Variants in SEPTIN9 observed in about 807,000 individuals in gnomAD.
SEPTIN9 encodes septin-9.
In SEPTIN9, 13 loss-of-function variants were observed where a neutral mutation model predicts 56.6. That is an observed-to-expected ratio of 0.23 (90% CI 0.15 to 0.37). The LOEUF (loss-of-function observed/expected upper bound fraction) is 0.37, where lower values mean the gene tolerates loss of function less well. SEPTIN9 is among the 10% of genes least tolerant of loss of function. The probability of loss-of-function intolerance (pLI) is 1.00; values close to 1 mark genes in which losing one functional copy is unlikely to be tolerated. For missense variants in SEPTIN9, 650 were observed against 823.1 expected (o/e 0.79, Z 2.57); for synonymous variants, 332 against 334.1 (o/e 0.99, Z 0.07).
intron 2 of SEPTIN9, among the ~76,000 whole-genome samples, chr17:77,331,895 A>G (rs548697587): frequency 6.6e-6 from 1 of 151,894 alleles, no homozygotes; most frequent in East Asian, 1.9e-4. Flanking sequence ...CATCTCTTTT[A>G]TTTTATTTTT....
chr17:77,322,018 G>T (rs1457883964), intron 2 of SEPTIN9, among the ~76,000 whole-genome samples: 1 of 152,188 alleles, frequency 6.6e-6, no homozygotes, highest in Non-Finnish European at 1.5e-5. Context: ...GACCACAGTG[G>T]GTCCCCTGCC....
chr17:77,489,749 C>T (rs542937965), intron 7 of SEPTIN9, among the ~76,000 whole-genome samples: 14 of 152,308 alleles, frequency 9.2e-5, no homozygotes, highest in African/African-American at 1.7e-4. Flanking sequence ...AAACCCAAGC[C>T]GGAGTTTTCG....
At chr17:77,412,942 C>T (rs1477066916) in intron 3 of SEPTIN9, among the ~76,000 whole-genome samples, 3 of 152,140 alleles carry the variant, frequency 2.0e-5, no homozygotes, top group East Asian at 3.8e-4. Flanking sequence ...ATTTCACCCA[C>T]GTTTTCTTCT....
chr17:77,287,401 G>A (rs1288484797), intron 1 of SEPTIN9, among the ~76,000 whole-genome samples: 3 of 152,220 alleles, frequency 2.0e-5, no homozygotes, highest in Admixed American at 6.5e-5. Context: ...GAGCGGCCCT[G>A]CTGAGCTGTG....
Position 77,475,203 on chromosome 17 carries a change from G to T in SEPTIN9, c.722-6941G>T, listed in dbSNP as rs2039157857. ...TGTCTGGCTTCACAAACCCTGTGTG[G>T]GGGGGTTGTGGTGAGAGGAAACCGC... On this transcript the variant is annotated intron_variant, in intron 3 of 11. Coordinates refer to ENST00000427177, the MANE Select transcript of SEPTIN9 (RefSeq NM_001113491.2). This position sits in a 1 kb window ranked among gnomAD's most constrained non-coding sequence, Gnocchi z 4.6. 9.0e-6 allele frequency: 11 copies of T among 1,228,352 alleles called. No homozygotes were observed. The highest frequency in any genetic ancestry group is 1.5e-5 in the African/African-American group (1 of 66,228). The allele number at this position is 1,228,352 out of a possible 1,614,324, so 76.1% of individuals were successfully genotyped here.
At chr17:77,352,992 A>G (rs544324594) in intron 2 of SEPTIN9, among the ~76,000 whole-genome samples, 12 of 152,142 alleles carry the variant, frequency 7.9e-5, no homozygotes, top group Non-Finnish European at 1.8e-4. Context: ...TTTAGGGCCC[A>G]CTCTGATTCA....
At chr17:77,392,726 T>C (rs560186512) in intron 2 of SEPTIN9, among the ~76,000 whole-genome samples, 2 of 152,214 alleles carry the variant, frequency 1.3e-5, no homozygotes, top group African/African-American at 2.4e-5. Flanking sequence ...GTTTGAACTA[T>C]CTGGCTGCGG....
At chr17:77,460,599 G>T (rs2038425271) in intron 3 of SEPTIN9, among the ~76,000 whole-genome samples, 2 of 152,156 alleles carry the variant, frequency 1.3e-5, no homozygotes, top group South Asian at 4.1e-4. Context: ...ATTTGGAGTG[G>T]GTTCACCAGA....
At chr17:77,481,737 G>A (rs548352778) in intron 3 of SEPTIN9, among the ~76,000 whole-genome samples, 12 of 152,318 alleles carry the variant, frequency 7.9e-5, no homozygotes, top group Non-Finnish European at 1.5e-4. Flanking sequence ...TGGGTGGCCC[G>A]AGGCAGTGTG....
intron 2 of SEPTIN9, among the ~76,000 whole-genome samples, chr17:77,334,668 A>G (rs1451589297): frequency 1.3e-5 from 2 of 152,132 alleles, no homozygotes; most frequent in Admixed American, 1.3e-4. Flanking sequence ...CACTAAGGTC[A>G]AAAGAAGTTC....
rs555565017 is a variant in SEPTIN9, at chr17:77,330,183, G to A, written c.76+22986G>A. Among the ~76,000 whole-genome samples the A allele has an allele frequency of 1.2e-4, 19 of 152,260 alleles. No individual in the cohort carries two copies. Among genetic ancestry groups the A allele is most frequent in the African/African-American group, 3.4e-4 (14 of 41,540 alleles). Reference sequence around the variant, plus strand: ...GTTCCTGATGCTCTGTCCCCTCTGCGTCCTGTGCCGTGGGTGAGAGAGGGC... The same window carrying A: ...GTTCCTGATGCTCTGTCCCCTCTGCATCCTGTGCCGTGGGTGAGAGAGGGC... On this transcript the variant is annotated intron_variant, in intron 2 of 11. Coordinates refer to ENST00000427177, the MANE Select transcript of SEPTIN9 (RefSeq NM_001113491.2). This position sits in a 1 kb window ranked among gnomAD's most constrained non-coding sequence, Gnocchi z 4.4.
intron 2 of SEPTIN9, chr17:77,373,361 C>T: frequency 8.3e-7 from 1 of 1,203,488 alleles, no homozygotes; most frequent in Non-Finnish European, 1.0e-6. Context: ...GCCAGGGGGC[C>T]TAGGGGCTCC....
In SEPTIN9 at chr17:77,329,765, C is replaced by T. The variant is rs1053929720; in HGVS notation, c.76+22568C>T. On this transcript the variant is annotated intron_variant, in intron 2 of 11. Coordinates refer to ENST00000427177, the MANE Select transcript of SEPTIN9 (RefSeq NM_001113491.2). This position sits in a 1 kb window ranked among gnomAD's most constrained non-coding sequence, Gnocchi z 4.3. ...TCAGGTTTCTTCCCAGCCTCTGACT[C>T]GGGGCAAGGTTCAGATATCCAGAAC... Among the ~76,000 whole-genome samples the T allele has an allele frequency of 6.6e-6, 1 of 152,142 alleles. No individual in the cohort carries two copies. The highest frequency in any genetic ancestry group is 1.5e-5 in the Non-Finnish European group (1 of 68,016).
At position 77,452,378 on chromosome 17, in the gene SEPTIN9, A is replaced by G. The variant is rs569637504; in HGVS notation, c.722-29766A>G. ...TTGTAGGCAATGCCATCTGCTCCTG[A>G]AACGCCGTCCCAGTGACTCTGGGGA... On this transcript the variant is annotated intron_variant, in intron 3 of 11. Coordinates refer to ENST00000427177, the MANE Select transcript of SEPTIN9 (RefSeq NM_001113491.2). 5.9e-5 allele frequency among the ~76,000 whole-genome samples: 9 copies of G among 152,314 alleles called. No homozygotes were observed. The East Asian group carries it at 1.7e-3, about 29-fold the overall frequency.
chr17:77,484,580 A>ATTGTGATGGTGG (rs1421963664), intron 4 of SEPTIN9, among the ~76,000 whole-genome samples: 5 of 106,302 alleles, frequency 4.7e-5, no homozygotes, highest in Admixed American at 8.9e-5. Flanking sequence ...GATGGTGGTT[A>ATTGTGATGGTGG]TGATGGTGGT....
At chr17:77,292,989 C>CATGCATTTATTT (rs1423112212) in intron 1 of SEPTIN9, among the ~76,000 whole-genome samples, 2 of 116,260 alleles carry the variant, frequency 1.7e-5, no homozygotes, top group African/African-American at 5.5e-5. Flanking sequence ...ACCGCTTGAG[C>CATGCATTTATTT]ATTTATTTAT....
intron 2 of SEPTIN9, among the ~76,000 whole-genome samples, chr17:77,363,293 G>A (rs933753397): frequency 4.0e-5 from 6 of 151,070 alleles, no homozygotes; most frequent in African/African-American, 7.3e-5. Flanking sequence ...AGACACTCCC[G>A]CAACTTTCTC....
At chr17:77,288,878 C>A (rs1334414986) in intron 1 of SEPTIN9, among the ~76,000 whole-genome samples, 1 of 152,142 alleles carries the variant, frequency 6.6e-6, no homozygotes, top group Non-Finnish European at 1.5e-5. Context: ...GCTGCAAGTG[C>A]ACACAGAGGC....
chr17:77,410,025 G>A (rs909004907), intron 3 of SEPTIN9, among the ~76,000 whole-genome samples: 3 of 152,122 alleles, frequency 2.0e-5, no homozygotes, highest in African/African-American at 4.8e-5. Flanking sequence ...TCCTCTCCGG[G>A]GTTTTCTGTG....
Sources: allele counts gnomAD v4.1 joint callset (sites outside exome capture counted in the v4.1 genomes callset), GRCh38; gene constraint gnomAD v4.1.1; non-coding constraint Gnocchi (gnomAD v3.1); transcripts MANE v1.5; gene names NCBI Gene and HGNC (gene_info 2026-07-23, HGNC 2026-07-21).